Variants in RNU6-8 observed in about 807,000 individuals in gnomAD.
The protein encoded by RNU6-8 is RNA, U6 small nuclear 8.
exon 1 of RNU6-8, chr14:32,203,163 C>T (rs903087004): frequency 1.3e-5 from 2 of 152,390 alleles, no homozygotes; most frequent in Admixed American, 1.3e-4. Flanking sequence ...ACAGACTGCG[C>T]AAAATATGGA....
At chr14:32,203,201 T>C (rs2138288482) in exon 1 of RNU6-8, 1 of 152,550 alleles carries the variant, frequency 6.6e-6, no homozygotes, top group South Asian at 2.1e-4. Context: ...GTGTCATCCT[T>C]GCGCAGGGGC....
chr14:32,203,177 C>T (rs1414790061), exon 1 of RNU6-8: 1 of 152,396 alleles, frequency 6.6e-6, no homozygotes, highest in Non-Finnish European at 1.5e-5. Flanking sequence ...ATATGGAACG[C>T]TTCACGAATT....
chr14:32,203,266 G>T (rs968834432), exon 1 of RNU6-8: 8 of 152,332 alleles, frequency 5.3e-5, no homozygotes, highest in African/African-American at 1.9e-4. Flanking sequence ...GCCGAAGCGA[G>T]CACGTTGAGA....
chr14:32,203,167 A>C (rs539052250), exon 1 of RNU6-8: 1 of 152,380 alleles, frequency 6.6e-6, no homozygotes, highest in African/African-American at 2.4e-5. Context: ...ACTGCGCAAA[A>C]TATGGAACGC....
At chr14:32,203,212 C>T (rs1183275802) in exon 1 of RNU6-8, 6 of 152,360 alleles carry the variant, frequency 3.9e-5, no homozygotes, top group African/African-American at 1.2e-4. Context: ...GCGCAGGGGC[C>T]ATGCTAATCT....
exon 1 of RNU6-8, chr14:32,203,245 G>C (rs1882871991): frequency 6.6e-6 from 1 of 152,344 alleles, no homozygotes; most frequent in Non-Finnish European, 1.5e-5. Context: ...TCCAATTTTA[G>C]TATATGTGCT....
exon 1 of RNU6-8, chr14:32,203,206 A>T (rs947612370): frequency 1.3e-5 from 2 of 152,406 alleles, no homozygotes; most frequent in Non-Finnish European, 2.9e-5. Context: ...ATCCTTGCGC[A>T]GGGGCCATGC....
At chr14:32,203,226 C>T (rs191324225) in exon 1 of RNU6-8, 14 of 152,488 alleles carry the variant, frequency 9.2e-5, no homozygotes, top group African/African-American at 2.9e-4. Flanking sequence ...CTAATCTTCT[C>T]TGTATCGTTC....
exon 1 of RNU6-8, chr14:32,203,216 C>T (rs1325499470): frequency 1.3e-5 from 2 of 152,368 alleles, no homozygotes; most frequent in Admixed American, 6.5e-5. Flanking sequence ...AGGGGCCATG[C>T]TAATCTTCTC....
Sources: gnomAD v4.1 joint callset for allele counts on GRCh38, gnomAD v4.1.1 for gene constraint, MANE v1.5 for transcripts, NCBI Gene and HGNC (gene_info 2026-07-23, HGNC 2026-07-21) for gene names.